The following OPCML variants were observed in gnomAD, a reference collection of about 807,000 sequenced individuals.
OPCML encodes opioid-binding protein/cell adhesion molecule.
A neutral mutation model predicts 37.8 loss-of-function variants in OPCML; 13 were observed. That is an observed-to-expected ratio of 0.34 (90% confidence interval 0.22 to 0.55). OPCML has a LOEUF of 0.55. Among genes scored for constraint, OPCML ranks in the 20% least tolerant of loss-of-function variants. The pLI is 0.91. For synonymous variants in OPCML, 176 were observed against 168.8 expected, an observed-to-expected ratio of 1.04 and a Z score of -0.33; for missense variants, 341 against 435.6, an observed-to-expected ratio of 0.78 and a Z score of 1.93.
intron 1 of OPCML, among the ~76,000 whole-genome samples, chr11:133,172,804 T>C (rs1274639472): frequency 6.6e-6 from 1 of 152,076 alleles, no homozygotes; most frequent in African/African-American, 2.4e-5. Flanking sequence ...CAAGAAAAAA[T>C]AAATCTAAGT....
chr11:133,444,362 T>C (rs946324680), intron 1 of OPCML, among the ~76,000 whole-genome samples: 3 of 152,208 alleles, frequency 2.0e-5, no homozygotes, highest in Non-Finnish European at 2.9e-5. Flanking sequence ...ATGTCTCTTA[T>C]ACAAATATTA....
chr11:132,841,505 T>C (rs1941285334), intron 2 of OPCML, among the ~76,000 whole-genome samples: 1 of 152,116 alleles, frequency 6.6e-6, no homozygotes, highest in South Asian at 2.1e-4. Flanking sequence ...TCCCCCGGGC[T>C]AGGGGAGGAA....
intron 3 of OPCML, among the ~76,000 whole-genome samples, chr11:132,621,789 C>A (rs1003689868): frequency 1.3e-5 from 2 of 152,188 alleles, no homozygotes; most frequent in African/African-American, 4.8e-5. Context: ...CACACACACT[C>A]CAAACTGCTC....
chr11:133,531,184 C>A (rs181513308), intron 1 of OPCML, among the ~76,000 whole-genome samples: 2 of 152,218 alleles, frequency 1.3e-5, no homozygotes, highest in Non-Finnish European at 2.9e-5. Context: ...CTAGCCCCTT[C>A]GGCATTGTTT....
At chr11:132,700,192 T>A (rs555346665) in intron 2 of OPCML, among the ~76,000 whole-genome samples, 1 of 152,070 alleles carries the variant, frequency 6.6e-6, no homozygotes, top group Admixed American at 6.5e-5. Context: ...CAGTCTTCTC[T>A]TTTTTTTCTT....
At chr11:133,169,005 C>G (rs1319307720) in intron 1 of OPCML, among the ~76,000 whole-genome samples, 3 of 152,118 alleles carry the variant, frequency 2.0e-5, no homozygotes, top group Non-Finnish European at 2.9e-5. Flanking sequence ...TGGTGCATAC[C>G]TGTAATCCCA....
intron 2 of OPCML, among the ~76,000 whole-genome samples, chr11:132,760,447 G>T (rs2096087797): frequency 6.6e-6 from 1 of 152,074 alleles, no homozygotes; most frequent in African/African-American, 2.4e-5. Context: ...CTCTTTGGAG[G>T]TCTCTAAGAA....
At chr11:133,277,842 C>G (rs948000722) in intron 1 of OPCML, among the ~76,000 whole-genome samples, 6 of 151,966 alleles carry the variant, frequency 3.9e-5, no homozygotes, top group Non-Finnish European at 8.8e-5. Context: ...TCAGAAACCC[C>G]ATAAGATAGG....
At chr11:133,070,535 C>T in intron 1 of OPCML, among the ~76,000 whole-genome samples, 1 of 152,308 alleles carries the variant, frequency 6.6e-6, no homozygotes, top group Admixed American at 6.5e-5. Context: ...ACGAAGGGGA[C>T]TGGCTACAAG....
intron 1 of OPCML, among the ~76,000 whole-genome samples, chr11:133,288,677 T>A (rs567650522): frequency 6.6e-6 from 1 of 152,288 alleles, no homozygotes; most frequent in South Asian, 2.1e-4. Flanking sequence ...TCAGAATCCC[T>A]TGGGGGTGCC....
At chr11:132,436,519 T>C (rs2096013587) in intron 6 of OPCML, 140 bp downstream of exon 6, 2 of 1,443,970 alleles carry the variant, frequency 1.4e-6, no homozygotes, top group Admixed American at 5.5e-5. Context: ...GTTGTAAAAA[T>C]AGACTTTGTT....
intron 1 of OPCML, among the ~76,000 whole-genome samples, chr11:133,239,047 C>A (rs1271685098): frequency 6.6e-6 from 1 of 152,186 alleles, no homozygotes; most frequent in African/African-American, 2.4e-5. Flanking sequence ...GTGAAGCTCT[C>A]CTTCATCCCA....
intron 1 of OPCML, among the ~76,000 whole-genome samples, chr11:133,484,026 C>G (rs967505714): frequency 3.0e-5 from 4 of 133,080 alleles, no homozygotes; most frequent in African/African-American, 1.1e-4. Context: ...AATAGATGGA[C>G]AGATTAGATA....
At chr11:132,507,703 T>G (rs2096260420) in intron 4 of OPCML, among the ~76,000 whole-genome samples, 1 of 151,830 alleles carries the variant, frequency 6.6e-6, no homozygotes, top group African/African-American at 2.4e-5. Context: ...TTTAATTATA[T>G]TTTAAACAAT....
intron 2 of OPCML, among the ~76,000 whole-genome samples, chr11:132,781,315 C>T (rs1325998817): frequency 6.6e-6 from 1 of 152,008 alleles, no homozygotes; most frequent in African/African-American, 2.4e-5. Flanking sequence ...CCAAATAGGA[C>T]AGAAGAACTG....
chr11:132,441,126 T>C (rs2096031193), intron 4 of OPCML, among the ~76,000 whole-genome samples: 1 of 150,454 alleles, frequency 6.6e-6, no homozygotes, highest in Non-Finnish European at 1.5e-5. Context: ...TGTGAGCCAT[T>C]GGAAAGATTC....
chr11:133,086,925 G>A (rs1948826781), intron 1 of OPCML, among the ~76,000 whole-genome samples: 1 of 152,160 alleles, frequency 6.6e-6, no homozygotes, highest in Non-Finnish European at 1.5e-5. Flanking sequence ...TCCTTGTTAT[G>A]AGCTTATTCT....
At position 132,689,855 on chromosome 11, in the gene OPCML, C is replaced by A. The variant is rs190424083; in HGVS notation, c.147-32536G>T. Among the ~76,000 whole-genome samples the A allele has an allele frequency of 4.2e-3, 641 of 152,192 alleles. 3 individuals carry two copies. Among genetic ancestry groups the A allele is most frequent in the Admixed American group, 0.01 (157 of 15,278 alleles). On this transcript the variant is annotated intron_variant, in intron 2 of 7. Transcript: ENST00000524381. ...TGCCACATGAAATATACCTTTATAC[C>A]TTCTTTAAAAAGAAGTTAACAAAGA...
At chr11:132,604,243 G>C (rs1045216424) in intron 3 of OPCML, among the ~76,000 whole-genome samples, 53 of 151,636 alleles carry the variant, frequency 3.5e-4, no homozygotes, top group African/African-American at 1.3e-3. Flanking sequence ...CTTGGTTTGG[G>C]AACCAAATTA....
Sources: gnomAD v4.1 joint callset for allele counts (sites outside exome capture counted in the v4.1 genomes callset) on GRCh38, gnomAD v4.1.1 for gene constraint, MANE v1.5 for transcripts, NCBI Gene and HGNC (gene_info 2026-07-23, HGNC 2026-07-21) for gene names.